Variants in PTH2R observed in about 807,000 individuals in gnomAD.
PTH2R encodes the protein PTH2 receptor.
PTH2R carries 59 observed loss-of-function variants against 60.3 expected under a neutral mutation model. That is an observed-to-expected ratio of 0.98 (90% confidence interval 0.79 to 1.22). PTH2R has a LOEUF of 1.22. PTH2R is among the 50% of genes most tolerant of loss of function. The pLI, the probability that PTH2R is intolerant of heterozygous loss-of-function variation, is 0.00. For synonymous variants in PTH2R, 256 were observed against 243.8 expected (o/e 1.05, Z -0.47); for missense variants, 749 against 682.6 (o/e 1.10, Z -1.08).
rs190354252 is a variant in PTH2R at position 208,448,377 on chromosome 2, A to G, written c.854-2372A>G. On this transcript the variant is annotated intron_variant, in intron 7 of 12. Coordinates refer to ENST00000272847, the MANE Select transcript of PTH2R (RefSeq NM_005048.4). The stretch of plus-strand genomic sequence containing the variant: ...TCTTCACAAAACTTATTTATTTTGT[A>G]TTGACGTGTCTTATGAAAATAACTC... Among the ~76,000 whole-genome samples, 16 of 152,134 alleles carry G rather than the reference A, an allele frequency of 1.1e-4. No individual in the cohort carries two copies. The East Asian group carries it at 2.9e-3, about 28-fold the overall frequency.
At chr2:208,407,199 C>A in intron 1 of PTH2R, 81 bp downstream of exon 1, 1 of 1,211,542 alleles carries the variant, frequency 8.3e-7, no homozygotes, top group Non-Finnish European at 1.1e-6. Context: ...AGGCCAGGTG[C>A]GCGCGAGAGC....
At chr2:208,408,364 T>C (rs1451981474) in intron 1 of PTH2R, among the ~76,000 whole-genome samples, 1 of 152,226 alleles carries the variant, frequency 6.6e-6, no homozygotes, top group Admixed American at 6.5e-5. Context: ...TATAGAACTC[T>C]GGTAATCTCT....
At chr2:208,359,713 C>T (rs1310875437), upstream of PTH2R, 2 of 152,742 alleles carry the variant, frequency 1.3e-5, no homozygotes, top group South Asian at 2.0e-4. Context: ...CCAGTGCCTC[C>T]GTGCTCCGAG....
chr2:208,448,664 G>A (rs1045458147), intron 7 of PTH2R, among the ~76,000 whole-genome samples: 1 of 147,554 alleles, frequency 6.8e-6, no homozygotes, highest in African/African-American at 2.5e-5. Context: ...TCAACTTTCA[G>A]TAAATGCACA....
chr2:208,400,591 G>A (rs1417812811), intron 1 of PTH2R, among the ~76,000 whole-genome samples: 1 of 152,084 alleles, frequency 6.6e-6, no homozygotes, highest in African/African-American at 2.4e-5. Flanking sequence ...TTTGGTATTA[G>A]GTTTGTGGTA....
intron 1 of PTH2R, among the ~76,000 whole-genome samples, chr2:208,418,363 ATT>A (rs61195514): frequency 6.7e-6 from 1 of 148,584 alleles, no homozygotes; most frequent in Non-Finnish European, 1.5e-5. Context: ...TTTGCACTCA[ATT>A]TTTTTTTTTA....
chr2:208,428,216 AC>A lies in PTH2R; in HGVS notation c.93del (p.Ile32LeufsTer3). The A allele has an allele frequency of 6.2e-7, 1 of 1,612,508 alleles. No individual in the cohort carries two copies. Among genetic ancestry groups the A allele is most frequent in the East Asian group, 2.2e-5 (1 of 44,870 alleles). Reference protein sequence around the residue: ...LARAQLDSDGTITIEEQIVLV... With the variant: ...LARAQLDSDGXITIEEQIVLV... ...ACTTCTACAGCTGGATTCTGATGGCACCATTACTATAGAGGAGCAGATTGTC... is the reference window on the plus strand; with the variant it reads ...ACTTCTACAGCTGGATTCTGATGGCACATTACTATAGAGGAGCAGATTGTC... On this transcript the variant is annotated frameshift_variant, in exon 2 of 13. Coordinates refer to ENST00000272847, the MANE Select transcript of PTH2R (RefSeq NM_005048.4). LOFTEE classifies it high-confidence loss of function.
At chr2:208,446,570 A>G (rs141953063) in intron 7 of PTH2R, among the ~76,000 whole-genome samples, 279 of 152,330 alleles carry the variant, frequency 1.8e-3, no homozygotes, top group African/African-American at 6.1e-3. Context: ...CAAAAGAGTA[A>G]TAACTATTCT....
chr2:208,418,362 A>T (rs1701684578), intron 1 of PTH2R, among the ~76,000 whole-genome samples: 1 of 144,114 alleles, frequency 6.9e-6, no homozygotes, highest in Non-Finnish European at 1.5e-5. Context: ...TTTTGCACTC[A>T]ATTTTTTTTT....
intron 9 of PTH2R, among the ~76,000 whole-genome samples, chr2:208,464,054 C>G (rs1010928801): frequency 6.6e-6 from 1 of 152,192 alleles, no homozygotes; most frequent in African/African-American, 2.4e-5. Flanking sequence ...TATTTTTACC[C>G]TTTTGTTAAA....
At chr2:208,463,885 T>C (rs1702682698) in intron 9 of PTH2R, among the ~76,000 whole-genome samples, 1 of 152,258 alleles carries the variant, frequency 6.6e-6, no homozygotes, top group Admixed American at 6.5e-5. Flanking sequence ...CCATGATTGC[T>C]TCTCTGTTTG....
chr2:208,447,606 AAAAT>A (rs55709644), intron 7 of PTH2R, among the ~76,000 whole-genome samples: 77,900 of 139,974 alleles, frequency 0.56, 22,998 homozygotes, highest in East Asian at 0.9. Flanking sequence ...AACAAAAAGA[AAAAT>A]AAATAAATAA....
At chr2:208,373,121 A>T (rs997644334) in intron 1 of PTH2R, among the ~76,000 whole-genome samples, 14 of 152,100 alleles carry the variant, frequency 9.2e-5, no homozygotes, top group Non-Finnish European at 1.9e-4. Context: ...CTTATATTCT[A>T]TAACATGTAT....
intron 1 of PTH2R, among the ~76,000 whole-genome samples, chr2:208,408,563 A>G (rs1226549328): frequency 6.6e-6 from 1 of 151,842 alleles, no homozygotes; most frequent in African/African-American, 2.4e-5. Flanking sequence ...GTGGTGGCTC[A>G]CGCCTGTAAT....
chr2:208,422,294 A>T (rs1212029983), intron 1 of PTH2R, among the ~76,000 whole-genome samples: 1 of 152,200 alleles, frequency 6.6e-6, no homozygotes, highest in Non-Finnish European at 1.5e-5. Context: ...TTAATCTTGG[A>T]TGAAGACAGA....
At chr2:208,492,808 T>C (rs556042197) in intron 12 of PTH2R, among the ~76,000 whole-genome samples, 1 of 152,286 alleles carries the variant, frequency 6.6e-6, no homozygotes, top group South Asian at 2.1e-4. Context: ...GCTGAGATCA[T>C]CCTAGGGATG....
intron 10 of PTH2R, among the ~76,000 whole-genome samples, chr2:208,483,997 C>T (rs1020704124): frequency 2.6e-5 from 4 of 152,114 alleles, no homozygotes; most frequent in East Asian, 1.9e-4. Flanking sequence ...GACGTTCCTA[C>T]GATAAGGGTT....
intron 9 of PTH2R, among the ~76,000 whole-genome samples, chr2:208,480,195 C>A (rs749224829): frequency 6.6e-6 from 1 of 152,182 alleles, no homozygotes; most frequent in South Asian, 2.1e-4. Flanking sequence ...GAGGATTCTG[C>A]CAGACAAGTT....
At chr2:208,363,775 A>T (rs1422275573) in intron 1 of PTH2R, among the ~76,000 whole-genome samples, 2 of 152,154 alleles carry the variant, frequency 1.3e-5, no homozygotes, top group East Asian at 3.9e-4. Flanking sequence ...TTAGTGATGT[A>T]GAGCATTTTT....
Sources: gnomAD v4.1 joint callset for allele counts (sites outside exome capture counted in the v4.1 genomes callset) on GRCh38, gnomAD v4.1.1 for gene constraint, MANE v1.5 for transcripts, NCBI Gene and HGNC (gene_info 2026-07-23, HGNC 2026-07-21) for gene names.